PYGB: variants seen among roughly 807,000 people sequenced by gnomAD.
The protein encoded by PYGB is glycogen phosphorylase B.
A neutral mutation model predicts 94.3 loss-of-function variants in PYGB; 82 were observed. That is an observed-to-expected ratio of 0.87 (90% confidence interval 0.73 to 1.04). The LOEUF (loss-of-function observed/expected upper bound fraction) is 1.04, where lower values mean the gene tolerates loss of function less well. PYGB is among the 50% of genes least tolerant of loss of function. PYGB has a pLI of 0.00. For synonymous variants in PYGB, 488 were observed against 479.1 expected (o/e 1.02, Z -0.24); for missense variants, 1,132 against 1,158.2 (o/e 0.98, Z 0.33).
chr20:25,250,719 AT>A (rs956759089), intron 1 of PYGB, among the ~76,000 whole-genome samples: 1 of 152,214 alleles, frequency 6.6e-6, no homozygotes, highest in Non-Finnish European at 1.5e-5. Flanking sequence ...GACCTCAGAC[AT>A]TCACCGGCAC....
chr20:25,289,261 C>G (rs2088444717), intron 15 of PYGB, among the ~76,000 whole-genome samples: 1 of 152,250 alleles, frequency 6.6e-6, no homozygotes, highest in East Asian at 1.9e-4. Flanking sequence ...GTTTTTGAAG[C>G]AAATTTTGGA....
At chr20:25,271,307 G>T (rs991985672) in intron 3 of PYGB, 76 bp from the exon 4 acceptor site, 1 of 1,382,640 alleles carries the variant, frequency 7.2e-7, no homozygotes, top group Non-Finnish European at 1.0e-6. Context: ...TCTGCCTTGC[G>T]CCCTGTGGGC....
intron 2 of PYGB, among the ~76,000 whole-genome samples, chr20:25,267,100 A>G (rs1159536826): frequency 6.6e-6 from 1 of 152,238 alleles, no homozygotes; most frequent in African/African-American, 2.4e-5. Context: ...TTATCAATTG[A>G]TAGGGTAGGT....
At chr20:25,294,101 C>T (rs1600745268) in intron 17 of PYGB, 57 bp from the exon 18 acceptor site, 1 of 1,592,002 alleles carries the variant, frequency 6.3e-7, no homozygotes, top group Non-Finnish European at 8.5e-7. Flanking sequence ...ATGGCTTGTT[C>T]TCCAAGGTGG....
intron 16 of PYGB, among the ~76,000 whole-genome samples, chr20:25,291,278 G>T (rs2088465351): frequency 6.6e-6 from 1 of 152,164 alleles, no homozygotes; most frequent in Non-Finnish European, 1.5e-5. Context: ...GAGCCCATCA[G>T]TTCCCACCCC....
At chr20:25,285,409 A>C (rs1568696280) in intron 14 of PYGB, 1 of 150,964 alleles carries the variant, frequency 6.6e-6, no homozygotes, top group African/African-American at 2.4e-5. Flanking sequence ...CCACCCCCAC[A>C]GTCAGTTGCT....
At chr20:25,255,465 T>G (rs1376234786) in intron 1 of PYGB, among the ~76,000 whole-genome samples, 1 of 152,258 alleles carries the variant, frequency 6.6e-6, no homozygotes, top group Non-Finnish European at 1.5e-5. Flanking sequence ...GGCCTCTGGC[T>G]GGCTCAGTGG....
Position 25,297,242 on chromosome 20 carries a change from A to G in PYGB, c.*720A>G, listed in dbSNP as rs535789113. 3 of 152,406 alleles carry G rather than the reference A, an allele frequency of 2.0e-5. No individual in the cohort carries two copies. Among genetic ancestry groups the G allele is most frequent in the Admixed American group, 2.0e-4 (3 of 15,306 alleles). 9.4% of individuals were successfully genotyped at this position (152,406 alleles called of 1,614,324 possible). On this transcript the variant is annotated 3_prime_UTR_variant, in exon 20 of 20. Transcript: ENST00000216962. ...TGCTGTCTCAGAGGCCTTGGTCAGG[A>G]TGAAGTTGGCTGACACAGCTTAGCT... is the stretch of plus-strand genomic sequence containing the variant.
At chr20:25,251,077 G>A (rs973739757) in intron 1 of PYGB, 1 of 152,216 alleles carries the variant, frequency 6.6e-6, no homozygotes, top group African/African-American at 2.4e-5. Flanking sequence ...GGTGTTCAGA[G>A]GAAGATTTGT....
At chr20:25,266,575 G>A (rs1441211772) in intron 2 of PYGB, among the ~76,000 whole-genome samples, 2 of 152,062 alleles carry the variant, frequency 1.3e-5, no homozygotes, top group Non-Finnish European at 2.9e-5. Flanking sequence ...AAACTTTTGT[G>A]CATTAAATAA....
chr20:25,283,876 G>C (rs979493181), intron 13 of PYGB, among the ~76,000 whole-genome samples: 2 of 152,124 alleles, frequency 1.3e-5, no homozygotes, highest in African/African-American at 4.8e-5. Context: ...TCCTGGGCCG[G>C]CTCCTCACTT....
At chr20:25,276,816 C>T in intron 6 of PYGB, 59 bp downstream of exon 6, 1 of 1,504,962 alleles carries the variant, frequency 6.6e-7, no homozygotes, top group South Asian at 1.2e-5. Context: ...CCCAGACACC[C>T]TCGCCCACAG....
Position 25,284,089 on chromosome 20 carries a change from C to G in PYGB, c.1621-15C>G. The G allele has an allele frequency of 1.9e-6, 3 of 1,612,656 alleles. No homozygotes were observed. Among genetic ancestry groups the G allele is most frequent in the Non-Finnish European group, 2.5e-6 (3 of 1,179,152 alleles). ...TGGTGAAGTCTCCAGCCATCTTTCC[C>G]TTTCACCCTCCCAGGAGAACAAGCT... On this transcript the variant is annotated splice_polypyrimidine_tract_variant and intron_variant, in intron 13 of 19. Coordinates refer to ENST00000216962, the MANE Select transcript of PYGB (RefSeq NM_002862.4).
At chr20:25,261,053 C>T (rs1465713190) in intron 2 of PYGB, among the ~76,000 whole-genome samples, 4 of 152,260 alleles carry the variant, frequency 2.6e-5, no homozygotes, top group Admixed American at 2.6e-4. Flanking sequence ...CCTCTGGGGG[C>T]AGGGCATAGC....
chr20:25,288,799 G>A (rs1001007571), intron 15 of PYGB, among the ~76,000 whole-genome samples: 2 of 152,202 alleles, frequency 1.3e-5, no homozygotes, highest in Non-Finnish European at 2.9e-5. Flanking sequence ...CGTTGTGGCT[G>A]CTTCATCACC....
At chr20:25,282,269 G>C (rs1024659183) in intron 12 of PYGB, 122 bp downstream of exon 12, 2 of 779,852 alleles carry the variant, frequency 2.6e-6, no homozygotes, top group Admixed American at 2.8e-5. Flanking sequence ...GTGTTGACCT[G>C]CAGGCTTCTG....
chr20:25,283,503 C>T (rs2088388132), intron 13 of PYGB, among the ~76,000 whole-genome samples: 1 of 152,214 alleles, frequency 6.6e-6, no homozygotes, highest in Admixed American at 6.5e-5. Context: ...GGTCACATGG[C>T]AGATAGGTGA....
In PYGB at chr20:25,278,391, C is replaced by G; in HGVS notation, c.928C>G (p.Arg310Gly). The change falls in exon 8 of 20, where the codon CGC (arginine) becomes GGC (glycine). Residue 310 changes from arginine to glycine, a missense_variant. Transcript: ENST00000216962. Reference sequence around the variant, plus strand: ...GGCCGCCACGCTCCAGGACATCATCCGCCGCTTCAAGTCGTCCAAGTTCGG... The same window carrying G: ...GGCCGCCACGCTCCAGGACATCATCGGCCGCTTCAAGTCGTCCAAGTTCGG... ...VVAATLQDIIRRFKSSKFGCR... is the reference protein window; with the variant it reads ...VVAATLQDIIGRFKSSKFGCR... 1 of 1,605,346 alleles carries G rather than the reference C, an allele frequency of 6.2e-7. No individual in the cohort carries two copies. Among genetic ancestry groups the G allele is most frequent in the Non-Finnish European group, 8.5e-7 (1 of 1,177,430 alleles).
At chr20:25,296,135 C>T (rs888958879) in intron 19 of PYGB, among the ~76,000 whole-genome samples, 4 of 152,084 alleles carry the variant, frequency 2.6e-5, no homozygotes, top group Admixed American at 6.6e-5. Flanking sequence ...CAGGAATTTT[C>T]GAGGCTGGGA....
Sources: gnomAD v4.1 joint callset for allele counts (sites outside exome capture counted in the v4.1 genomes callset) on GRCh38, gnomAD v4.1.1 for gene constraint, MANE v1.5 for transcripts, NCBI Gene and HGNC (gene_info 2026-07-23, HGNC 2026-07-21) for gene names.